PCDHGB2: variants seen among roughly 807,000 people sequenced by gnomAD.
The protein encoded by PCDHGB2 is protocadherin gamma subfamily B, 2, also known as protocadherin gamma-B2.
A neutral mutation model predicts 59.3 loss-of-function variants in PCDHGB2; 55 were observed. That is an observed-to-expected ratio of 0.93 (90% confidence interval 0.75 to 1.16). The LOEUF (loss-of-function observed/expected upper bound fraction) is 1.16. Among genes scored for constraint, PCDHGB2 ranks in the 50% most tolerant of loss-of-function variants. The pLI, the probability that PCDHGB2 is intolerant of heterozygous loss-of-function variation, is 0.00. For missense variants in PCDHGB2, 1,228 were observed against 1,198.5 expected (o/e 1.02, Z -0.36); for synonymous variants, 516 against 512.0 (o/e 1.01, Z -0.11).
At chr5:141,450,829 A>ATT (rs373424450) in intron 1 of PCDHGB2, among the ~76,000 whole-genome samples, 8,685 of 135,030 alleles carry the variant, frequency 0.064, 328 homozygotes, top group South Asian at 0.088. Context: ...TATTATTATT[A>ATT]TTTTTTTTTT....
rs777924092 is a variant in PCDHGB2 at position 141,487,482 on chromosome 5, A to T, written c.2422-7325A>T. The T allele has an allele frequency of 1.2e-6, 2 of 1,614,164 alleles. No individual in the cohort carries two copies. Among genetic ancestry groups the T allele is most frequent in the South Asian group, 2.2e-5 (2 of 91,086 alleles). ...TTTGTTGATGTGGGAGGCCACTCTCATGGCTGTACACCCTTGGCTTCTGCA... is the reference window on the plus strand; with the variant it reads ...TTTGTTGATGTGGGAGGCCACTCTCTTGGCTGTACACCCTTGGCTTCTGCA... On this transcript the variant is annotated intron_variant, in intron 1 of 3. Coordinates refer to ENST00000522605, the MANE Select transcript of PCDHGB2 (RefSeq NM_018923.3). The surrounding 1 kb of genome is among the most constrained non-coding windows in gnomAD (Gnocchi z 5.0).
Position 141,486,912 on chromosome 5 carries a change from T to C in PCDHGB2, c.2422-7895T>C. The stretch of plus-strand genomic sequence containing the variant: ...CCTGGTTCCTTATGTCCCCAAGCAC[T>C]GCCTCCATCAGTTGGTGCTGGCCAC... On this transcript the variant is annotated intron_variant, in intron 1 of 3. Coordinates refer to ENST00000522605, the MANE Select transcript of PCDHGB2 (RefSeq NM_018923.3). This position sits in a 1 kb window ranked among gnomAD's most constrained non-coding sequence, Gnocchi z 5.0. The C allele has an allele frequency of 1.2e-6, 2 of 1,614,246 alleles. No homozygotes were observed. Among genetic ancestry groups the C allele is most frequent in the Non-Finnish European group, 1.7e-6 (2 of 1,180,040 alleles).
intron 1 of PCDHGB2, among the ~76,000 whole-genome samples, chr5:141,368,255 T>G (rs1354188654): frequency 1.3e-5 from 2 of 152,202 alleles, no homozygotes; most frequent in Non-Finnish European, 2.9e-5. Context: ...GAAAGGTTAA[T>G]TGACACATTA....
In PCDHGB2 at chr5:141,408,560, A is replaced by G. The variant is rs368143982; in HGVS notation, c.2421+46004A>G. The G allele has an allele frequency of 6.3e-5, 102 of 1,613,910 alleles. No homozygotes were observed. Among genetic ancestry groups the G allele is most frequent in the Non-Finnish European group, 8.4e-5 (99 of 1,179,898 alleles). On this transcript the variant is annotated intron_variant, in intron 1 of 3. Coordinates refer to ENST00000522605, the MANE Select transcript of PCDHGB2 (RefSeq NM_018923.3). ...AAATCCTTTAAATATTTTTCATGTC[A>G]TTGTGGTGATTGAGGATGTTAATGA... is the stretch of plus-strand genomic sequence containing the variant.
At chr5:141,461,273 C>A (rs1301916233) in intron 1 of PCDHGB2, among the ~76,000 whole-genome samples, 1 of 152,128 alleles carries the variant, frequency 6.6e-6, no homozygotes, top group Admixed American at 6.6e-5. Flanking sequence ...TAAGTGTTCT[C>A]TTTTCCCCAC....
Position 141,476,658 on chromosome 5 carries a change from C to A in PCDHGB2, c.2422-18149C>A, listed in dbSNP as rs182518072. On this transcript the variant is annotated intron_variant, in intron 1 of 3. Transcript: ENST00000522605. The surrounding 1 kb of genome is among the most constrained non-coding windows in gnomAD (Gnocchi z 7.6). ...GAGCTGAGCCGAAATGAATACTTTGCGCTTCGCGTGCAGACGCGGGAGGAC... is the reference window on the plus strand; with the variant it reads ...GAGCTGAGCCGAAATGAATACTTTGAGCTTCGCGTGCAGACGCGGGAGGAC... 2 of 1,614,244 alleles carry A rather than the reference C, an allele frequency of 1.2e-6. No homozygotes were observed. The highest frequency in any genetic ancestry group is 2.2e-5 in the East Asian group (1 of 44,878).
In PCDHGB2 at chr5:141,488,435, C is replaced by T. The variant is rs111661764; in HGVS notation, c.2422-6372C>T. Among the ~76,000 whole-genome samples, 87 of 152,276 alleles carry T rather than the reference C, an allele frequency of 5.7e-4. 1 individual carries two copies. The highest frequency in any genetic ancestry group is 1.6e-3 in the African/African-American group (67 of 41,546). On this transcript the variant is annotated intron_variant, in intron 1 of 3. Transcript: ENST00000522605. ...AAGCCATCCATGCTTGGCCTCTGAC[C>T]ACCCTCCTGGGTGACCTGATTCAGC...
intron 1 of PCDHGB2, chr5:141,371,109 C>T: frequency 6.2e-7 from 1 of 1,613,836 alleles, no homozygotes; most frequent in South Asian, 1.1e-5. Flanking sequence ...AAATGATAAC[C>T]CCCCAGTATT....
chr5:141,375,017 T>TC lies in PCDHGB2; in HGVS notation c.2421+12462dup, dbSNP rs772354381. The TC allele has an allele frequency of 6.2e-6, 10 of 1,614,032 alleles. No individual in the cohort carries two copies. The South Asian group carries it at 1.1e-4, about 18-fold the overall frequency. The stretch of plus-strand genomic sequence containing the variant: ...TTCTGCAAATCTAGACTATGAGGAC[T>TC]CGAGTTTTTATGAGCTGGGTGTTGA... On this transcript the variant is annotated intron_variant, in intron 1 of 3. Transcript: ENST00000522605.
In PCDHGB2 at chr5:141,431,814, T is replaced by C. The variant is rs1300319049; in HGVS notation, c.2422-62993T>C. 1 of 1,614,246 alleles carries C rather than the reference T, an allele frequency of 6.2e-7. No homozygotes were observed. Among genetic ancestry groups the C allele is most frequent in the Non-Finnish European group, 8.5e-7 (1 of 1,180,044 alleles). ...GCCCCAGAAGTGGTCCTCACCTCTC[T>C]CGCCAGCTCGGTTCCCGAAAACTCT... On this transcript the variant is annotated intron_variant, in intron 1 of 3. Coordinates refer to ENST00000522605, the MANE Select transcript of PCDHGB2 (RefSeq NM_018923.3). The surrounding 1 kb of genome is among the most constrained non-coding windows in gnomAD (Gnocchi z 4.8).
chr5:141,499,763 T>C (rs2099794343), intron 2 of PCDHGB2, among the ~76,000 whole-genome samples: 1 of 148,434 alleles, frequency 6.7e-6, no homozygotes, highest in African/African-American at 2.5e-5. Flanking sequence ...CTCAGCTCAC[T>C]GCAGCCTTCG....
At chr5:141,494,171 G>A (rs72790068) in intron 1 of PCDHGB2, among the ~76,000 whole-genome samples, 9,520 of 152,240 alleles carry the variant, frequency 0.063, 348 homozygotes, top group South Asian at 0.11. Flanking sequence ...TTCTAGGGGT[G>A]AGAAGTGTCC....
chr5:141,382,666 G>A (rs910632221), intron 1 of PCDHGB2: 20 of 422,596 alleles, frequency 4.7e-5, no homozygotes, highest in African/African-American at 3.6e-4. Flanking sequence ...TCACAGCGCC[G>A]CTGTTCACCA....
chr5:141,507,495 G>T (rs375483743), intron 3 of PCDHGB2, among the ~76,000 whole-genome samples: 2 of 152,234 alleles, frequency 1.3e-5, no homozygotes, highest in Non-Finnish European at 2.9e-5. Context: ...AGGCAGAGCT[G>T]TCCCAGGTCT....
intron 1 of PCDHGB2, among the ~76,000 whole-genome samples, chr5:141,471,869 G>A (rs1234106506): frequency 6.6e-6 from 1 of 152,172 alleles, no homozygotes; most frequent in Non-Finnish European, 1.5e-5. Flanking sequence ...AACTGTGGTT[G>A]CCTGAGGCTG....
Position 141,485,164 on chromosome 5 carries a change from G to A in PCDHGB2, c.2422-9643G>A, listed in dbSNP as rs2099608516. 2 of 1,605,832 alleles carry A rather than the reference G, an allele frequency of 1.2e-6. No homozygotes were observed. Among genetic ancestry groups the A allele is most frequent in the Admixed American group, 1.7e-5 (1 of 59,836 alleles). On this transcript the variant is annotated intron_variant, in intron 1 of 3. Coordinates refer to ENST00000522605, the MANE Select transcript of PCDHGB2 (RefSeq NM_018923.3). This position sits in a 1 kb window ranked among gnomAD's most constrained non-coding sequence, Gnocchi z 5.7. ...CTCAGGAGCAAGTAGAGAATTAGCG[G>A]GCGGCAGCAATGCTCCGCAAGGTGA...
intron 1 of PCDHGB2, chr5:141,404,067 A>G (rs540954192): frequency 3.7e-6 from 6 of 1,613,894 alleles, no homozygotes; most frequent in South Asian, 2.2e-5. Context: ...TTCAATGCTC[A>G]TGACCGAGAC....
At chr5:141,430,373 A>G (rs1456234962) in intron 1 of PCDHGB2, among the ~76,000 whole-genome samples, 1 of 151,170 alleles carries the variant, frequency 6.6e-6, no homozygotes, top group Non-Finnish European at 1.5e-5. Flanking sequence ...GGGAAAAAAA[A>G]GCTCATTGGG....
At chr5:141,398,811 C>T (rs1231007055) in intron 1 of PCDHGB2, 4 of 1,613,862 alleles carry the variant, frequency 2.5e-6, no homozygotes, top group Non-Finnish European at 3.4e-6. Context: ...CCACTGAGCT[C>T]CGGATCCAGG....
Sources: gnomAD v4.1 joint callset for allele counts (sites outside exome capture counted in the v4.1 genomes callset) on GRCh38, gnomAD v4.1.1 for gene constraint, Gnocchi (gnomAD v3.1) non-coding constraint, MANE v1.5 for transcripts, NCBI Gene and HGNC (gene_info 2026-07-23, HGNC 2026-07-21) for gene names.